The following PUS10 variants were observed in gnomAD, a reference collection of about 807,000 sequenced individuals.
The protein encoded by PUS10 is tRNA pseudouridine synthase Pus10.
PUS10 carries 59 observed loss-of-function variants against 75.0 expected under a neutral mutation model. The observed-to-expected ratio is 0.79, with a 90% CI of 0.64 to 0.98. PUS10 has a LOEUF of 0.98. Among genes scored for constraint, PUS10 ranks in the 50% least tolerant of loss-of-function variants. The pLI is 0.00. For missense variants in PUS10, 650 were observed against 614.4 expected, an observed-to-expected ratio of 1.06 and a Z score of -0.61; for synonymous variants, 219 against 211.6, an observed-to-expected ratio of 1.03 and a Z score of -0.30.
chr2:60,954,044 C>T (rs1675503441), intron 13 of PUS10, 38 bp downstream of exon 13: 2 of 1,610,974 alleles, frequency 1.2e-6, no homozygotes, highest in African/African-American at 1.3e-5. Flanking sequence ...TACAGAATTG[C>T]AGAAACATGA....
intron 1 of PUS10, among the ~76,000 whole-genome samples, chr2:61,012,850 A>C (rs1679696843): frequency 2.0e-5 from 2 of 101,938 alleles, no homozygotes; most frequent in Non-Finnish European, 4.1e-5. Context: ...AAAAAAAAAA[A>C]AAAAAAAAAA....
chr2:60,983,329 T>C (rs943704309), intron 4 of PUS10, among the ~76,000 whole-genome samples: 1 of 152,188 alleles, frequency 6.6e-6, no homozygotes, highest in African/African-American at 2.4e-5. Context: ...ATTACAAATA[T>C]CTATTTATTA....
At chr2:60,987,775 T>C (rs1037688910) in intron 4 of PUS10, among the ~76,000 whole-genome samples, 2 of 152,074 alleles carry the variant, frequency 1.3e-5, no homozygotes, top group Non-Finnish European at 2.9e-5. Flanking sequence ...ACACAAAAAT[T>C]AGCTGGGCCT....
At chr2:60,971,865 CTTTTT>C (rs756222357) in intron 4 of PUS10, among the ~76,000 whole-genome samples, 8 of 99,638 alleles carry the variant, frequency 8.0e-5, no homozygotes, top group African/African-American at 3.0e-4. Context: ...TCTTTCTTCT[CTTTTT>C]TTTTTTTTTT....
chr2:60,979,468 G>A (rs1244555688), intron 4 of PUS10, among the ~76,000 whole-genome samples: 1 of 152,106 alleles, frequency 6.6e-6, no homozygotes, highest in Non-Finnish European at 1.5e-5. Context: ...GAGGAAGGGG[G>A]AATATTTTCC....
intron 5 of PUS10, among the ~76,000 whole-genome samples, chr2:60,969,933 C>CA (rs906721290): frequency 5.9e-5 from 9 of 151,512 alleles, no homozygotes; most frequent in Non-Finnish European, 1.0e-4. Context: ...ACTAAAAATA[C>CA]AAAAAAAATT....
At chr2:60,983,632 G>T (rs918259313) in intron 4 of PUS10, among the ~76,000 whole-genome samples, 1 of 151,426 alleles carries the variant, frequency 6.6e-6, no homozygotes, top group African/African-American at 2.4e-5. Context: ...AGCCGAGATC[G>T]CATCATTGCA....
chr2:61,013,293 G>T (rs1008093065), intron 1 of PUS10, among the ~76,000 whole-genome samples: 64 of 150,280 alleles, frequency 4.3e-4, no homozygotes, highest in African/African-American at 1.0e-3. Context: ...ATGAAGAAAT[G>T]ATCTAACCTC....
intron 4 of PUS10, among the ~76,000 whole-genome samples, chr2:60,977,367 G>A (rs1392171920): frequency 6.6e-6 from 1 of 152,130 alleles, no homozygotes; most frequent in Non-Finnish European, 1.5e-5. Context: ...GGGGTTCAGC[G>A]ATTAAAGATG....
In PUS10 at chr2:61,018,126, G is replaced by A. The variant is rs1458337869; in HGVS notation, c.-134C>T. 11 of 1,548,344 alleles carry A rather than the reference G, an allele frequency of 7.1e-6. No homozygotes were observed. In the East Asian group the frequency reaches 1.9e-4, roughly 27 times the overall value. On this transcript the variant is annotated 5_prime_UTR_variant, in exon 1 of 18. Transcript: ENST00000316752. ...TCTGTGCTTGAAAGAAAGGGGGGCG[G>A]CTTCCTACCTACCGCTTCTGTTTTC...
At chr2:61,001,475 C>T (rs752380261) in intron 4 of PUS10, among the ~76,000 whole-genome samples, 11 of 152,140 alleles carry the variant, frequency 7.2e-5, no homozygotes, top group Non-Finnish European at 1.6e-4. Flanking sequence ...CGGGATTTTA[C>T]TATGTTGGCT....
intron 4 of PUS10, among the ~76,000 whole-genome samples, chr2:60,989,452 T>A (rs1019159171): frequency 3.9e-5 from 6 of 152,106 alleles, no homozygotes; most frequent in African/African-American, 1.4e-4. Context: ...GATGATGACA[T>A]ACACACATAA....
chr2:61,010,676 A>T (rs1679541875), intron 2 of PUS10: 1 of 1,213,980 alleles, frequency 8.2e-7, no homozygotes, highest in Non-Finnish European at 1.1e-6. Context: ...ATTGTCCCTT[A>T]AAGTCCTGTG....
intron 16 of PUS10, among the ~76,000 whole-genome samples, chr2:60,947,777 C>T (rs1470750140): frequency 1.4e-5 from 2 of 140,828 alleles, no homozygotes; most frequent in Non-Finnish European, 3.0e-5. Flanking sequence ...TGCAGTAAGC[C>T]GAGATGGCGC....
intron 5 of PUS10, among the ~76,000 whole-genome samples, chr2:60,968,498 C>A (rs1233332775): frequency 6.6e-6 from 1 of 152,040 alleles, no homozygotes; most frequent in South Asian, 2.1e-4. Flanking sequence ...CCAATTTTCA[C>A]TGATAGAAAT....
chr2:60,992,170 C>T (rs1226313430), intron 4 of PUS10, among the ~76,000 whole-genome samples: 2 of 152,074 alleles, frequency 1.3e-5, no homozygotes, highest in East Asian at 3.9e-4. Context: ...GCCACCACAC[C>T]CAGCTAATTT....
chr2:60,941,751 G>T lies in PUS10; in HGVS notation c.*644C>A, dbSNP rs1304758264. 6.6e-6 allele frequency: 1 copy of T among 152,152 alleles called. No homozygotes were observed. Among genetic ancestry groups the T allele is most frequent in the Non-Finnish European group, 1.5e-5 (1 of 67,986 alleles). 9.4% of individuals were successfully genotyped at this position (152,152 alleles called of 1,614,324 possible). A position where few individuals can be genotyped will look rare whatever the true frequency, so the allele number is the denominator to read the frequency against. Reference sequence around the variant, plus strand: ...CTACGGTTTTACTTTCCCTCCACAGGAAACCTATATTGACAATTTTAGATT... The same window carrying T: ...CTACGGTTTTACTTTCCCTCCACAGTAAACCTATATTGACAATTTTAGATT... On this transcript the variant is annotated 3_prime_UTR_variant, in exon 18 of 18. Coordinates refer to ENST00000316752, the MANE Select transcript of PUS10 (RefSeq NM_144709.4).
Position 60,991,274 on chromosome 2 carries a change from C to A in PUS10, c.468+15283G>T, listed in dbSNP as rs189420629. On this transcript the variant is annotated intron_variant, in intron 4 of 17. Transcript: ENST00000316752. The stretch of plus-strand genomic sequence containing the variant: ...GACAGCTGAAATAAAGGGTAATACA[C>A]AAGATGAATATGTAGGTAAATCTGT... Among the ~76,000 whole-genome samples, 117 of 152,126 alleles carry A rather than the reference C, an allele frequency of 7.7e-4. 1 individual carries two copies. The highest frequency in any genetic ancestry group is 3.2e-3 in the Admixed American group (49 of 15,266).
chr2:60,954,269 A>G, intron 12 of PUS10, 111 bp from the exon 13 acceptor site: 1 of 902,016 alleles, frequency 1.1e-6, no homozygotes, highest in Non-Finnish European at 1.8e-6. Flanking sequence ...TAGAGGACTG[A>G]AAGTTTAGTG....
Sources: allele counts gnomAD v4.1 joint callset (sites outside exome capture counted in the v4.1 genomes callset), GRCh38; gene constraint gnomAD v4.1.1; transcripts MANE v1.5; gene names NCBI Gene and HGNC (gene_info 2026-07-23, HGNC 2026-07-21).